ATXN1: variants seen among roughly 807,000 people sequenced by gnomAD.
ATXN1 encodes ataxin 1, also known as ataxin-1.
In ATXN1, 8 loss-of-function variants were observed where a neutral mutation model predicts 56.4. The observed-to-expected ratio is 0.14, with a 90% CI of 0.08 to 0.26. ATXN1 has a LOEUF of 0.26. Ranked by LOEUF, ATXN1 falls within the 10% of genes least tolerant of loss-of-function variation. The pLI, the probability that ATXN1 is intolerant of heterozygous loss-of-function variation, is 1.00. For missense variants in ATXN1, 987 were observed against 1,106.5 expected (o/e 0.89, Z 1.53); for synonymous variants, 514 against 494.6 (o/e 1.04, Z -0.52).
chr6:16,713,905 C>G (rs1409814607), intron 2 of ATXN1, among the ~76,000 whole-genome samples: 1 of 152,198 alleles, frequency 6.6e-6, no homozygotes, highest in Admixed American at 6.5e-5. Context: ...TGCCTATAAT[C>G]CCAGTACTTT....
At chr6:16,638,247 A>C (rs560338206) in intron 3 of ATXN1, among the ~76,000 whole-genome samples, 1 of 151,552 alleles carries the variant, frequency 6.6e-6, no homozygotes, top group East Asian at 2.0e-4. Flanking sequence ...AGTTCAAGAC[A>C]AAACTGGGCA....
intron 2 of ATXN1, among the ~76,000 whole-genome samples, chr6:16,740,808 G>C (rs758598229): frequency 6.6e-6 from 1 of 152,106 alleles, no homozygotes; most frequent in Non-Finnish European, 1.5e-5. Flanking sequence ...ACTGGGATTC[G>C]AGGCATGAGC....
intron 6 of ATXN1, among the ~76,000 whole-genome samples, chr6:16,396,892 G>T (rs1758470016): frequency 6.6e-6 from 1 of 152,216 alleles, no homozygotes; most frequent in African/African-American, 2.4e-5. Context: ...GTACAGTAAG[G>T]TGCTGAGTGC....
intron 6 of ATXN1, among the ~76,000 whole-genome samples, chr6:16,340,953 TG>T (rs1761231531): frequency 6.6e-6 from 1 of 152,188 alleles, no homozygotes; most frequent in African/African-American, 2.4e-5. Flanking sequence ...GGCACATACA[TG>T]TAAGAAGCAC....
chr6:16,679,275 G>A (rs1217217669), intron 2 of ATXN1, among the ~76,000 whole-genome samples: 20 of 145,760 alleles, frequency 1.4e-4, no homozygotes, highest in Non-Finnish European at 2.7e-4. Context: ...TGAGTTAGTG[G>A]GTGGATGGAT....
chr6:16,342,873 G>A (rs1761286506), intron 6 of ATXN1, among the ~76,000 whole-genome samples: 1 of 152,166 alleles, frequency 6.6e-6, no homozygotes. Flanking sequence ...GGGAGGACGG[G>A]GCAATGGGAG....
chr6:16,331,847 G>C (rs1760999646), intron 6 of ATXN1, among the ~76,000 whole-genome samples: 1 of 152,212 alleles, frequency 6.6e-6, no homozygotes, highest in South Asian at 2.1e-4. Context: ...ATTTGAAAAA[G>C]AATGCTGACT....
chr6:16,441,653 G>C (rs574438151), intron 6 of ATXN1, among the ~76,000 whole-genome samples: 3 of 152,196 alleles, frequency 2.0e-5, no homozygotes, highest in Non-Finnish European at 4.4e-5. Flanking sequence ...TTGGAGAAAA[G>C]AAATAGTTGG....
At chr6:16,662,464 C>T (rs1278899459) in intron 2 of ATXN1, among the ~76,000 whole-genome samples, 1 of 152,182 alleles carries the variant, frequency 6.6e-6, no homozygotes, top group East Asian at 1.9e-4. Context: ...TCCCAAGTAG[C>T]TGGGATTACA....
intron 2 of ATXN1, among the ~76,000 whole-genome samples, chr6:16,725,393 G>A (rs1759827647): frequency 6.6e-6 from 1 of 152,160 alleles, no homozygotes; most frequent in South Asian, 2.1e-4. Flanking sequence ...ACTACACACA[G>A]CAATAAAGGC....
At chr6:16,635,786 C>T (rs1362075392) in intron 3 of ATXN1, among the ~76,000 whole-genome samples, 1 of 152,176 alleles carries the variant, frequency 6.6e-6, no homozygotes, top group Non-Finnish European at 1.5e-5. Context: ...CCAAAAGCAT[C>T]CTGAAAACAT....
intron 4 of ATXN1, among the ~76,000 whole-genome samples, chr6:16,580,740 G>A (rs539367779): frequency 2.6e-5 from 4 of 152,128 alleles, no homozygotes; most frequent in Non-Finnish European, 5.9e-5. Context: ...ATCCAAAATA[G>A]TTTAAAAGCT....
chr6:16,570,755 T>G (rs757085251), intron 4 of ATXN1, among the ~76,000 whole-genome samples: 6 of 152,180 alleles, frequency 3.9e-5, no homozygotes, highest in Non-Finnish European at 7.3e-5. Context: ...CCCCTTATTT[T>G]ATTCATAAGT....
At chr6:16,542,883 T>G (rs1761742426) in intron 4 of ATXN1, among the ~76,000 whole-genome samples, 1 of 152,122 alleles carries the variant, frequency 6.6e-6, no homozygotes, top group Non-Finnish European at 1.5e-5. Context: ...TATACTGTAC[T>G]AAAAGTTATG....
intron 6 of ATXN1, among the ~76,000 whole-genome samples, chr6:16,362,358 C>G (rs972079979): frequency 1.3e-5 from 2 of 152,152 alleles, no homozygotes; most frequent in Non-Finnish European, 2.9e-5. Flanking sequence ...AAAGGAGCCA[C>G]GTTACCCATT....
intron 4 of ATXN1, among the ~76,000 whole-genome samples, chr6:16,581,227 G>A (rs1474922208): frequency 5.8e-5 from 6 of 104,068 alleles, no homozygotes; most frequent in African/African-American, 2.3e-4. Context: ...GTGTGTGTGC[G>A]CGCGTGTGTG....
At position 16,718,369 on chromosome 6, in the gene ATXN1, C is replaced by G. The variant is rs867627726; in HGVS notation, c.-615+34864G>C. On this transcript the variant is annotated intron_variant, in intron 2 of 7. Coordinates refer to ENST00000436367, the MANE Select transcript of ATXN1 (RefSeq NM_001128164.2). Reference sequence around the variant, plus strand: ...ATATGCAAGGCCAAATGCCCCCAAACCAAGGAAGGAAAACAAAACTAACTG... The same window carrying G: ...ATATGCAAGGCCAAATGCCCCCAAAGCAAGGAAGGAAAACAAAACTAACTG... 2.4e-4 allele frequency among the ~76,000 whole-genome samples: 37 copies of G among 152,354 alleles called. No individual in the cohort carries two copies. In the Middle Eastern group the frequency reaches 0.01, roughly 42 times the overall value.
chr6:16,346,761 G>T (rs935919546), intron 6 of ATXN1, among the ~76,000 whole-genome samples: 3 of 152,162 alleles, frequency 2.0e-5, no homozygotes, highest in Non-Finnish European at 4.4e-5. Flanking sequence ...CGCCTCCTCT[G>T]CCTGGGCTCC....
chr6:16,620,262 A>ACACAC (rs1763294975), intron 3 of ATXN1, among the ~76,000 whole-genome samples: 1 of 137,408 alleles, frequency 7.3e-6, no homozygotes, highest in Non-Finnish European at 1.6e-5. Context: ...CTGTCTCTCA[A>ACACAC]ACACACACAC....
Sources: allele counts gnomAD v4.1 joint callset (sites outside exome capture counted in the v4.1 genomes callset), GRCh38; gene constraint gnomAD v4.1.1; transcripts MANE v1.5; gene names NCBI Gene and HGNC (gene_info 2026-07-23, HGNC 2026-07-21).